Variants in ALG5 observed in about 807,000 individuals in gnomAD.
ALG5 encodes dolichyl-phosphate beta-glucosyltransferase.
A neutral mutation model predicts 51.8 loss-of-function variants in ALG5; 26 were observed. The observed-to-expected ratio is 0.50, with a 90% CI of 0.37 to 0.70. ALG5 has a LOEUF of 0.70. ALG5 is among the 30% of genes least tolerant of loss of function. The pLI is 0.00. For synonymous variants in ALG5, 141 were observed against 136.1 expected, an observed-to-expected ratio of 1.04 and a Z score of -0.25; for missense variants, 311 against 399.3, an observed-to-expected ratio of 0.78 and a Z score of 1.88.
chr13:36,952,648 C>A lies in ALG5; in HGVS notation c.774-49G>T, dbSNP rs747139476. On this transcript the variant is annotated intron_variant, in intron 8 of 9. Coordinates refer to ENST00000239891, the MANE Select transcript of ALG5 (RefSeq NM_013338.5). ...TTTATTTTTAAAGACAAATAGAACA[C>A]AACTACATCTCTACCTTGGCATGTT... 3.6e-6 allele frequency: 4 copies of A among 1,111,330 alleles called. No homozygotes were observed. In the Admixed American group the frequency reaches 1.2e-4, roughly 33 times the overall value. 68.8% of individuals were successfully genotyped at this position (1,111,330 alleles called of 1,614,324 possible).
chr13:36,952,030 A>AC (rs1409325118), intron 9 of ALG5, among the ~76,000 whole-genome samples: 1 of 151,658 alleles, frequency 6.6e-6, no homozygotes, highest in Non-Finnish European at 1.5e-5. Flanking sequence ...TAGGTGATCC[A>AC]CCCCCTCGGT....
intron 7 of ALG5, among the ~76,000 whole-genome samples, chr13:36,969,547 T>C (rs972592721): frequency 6.6e-6 from 1 of 152,114 alleles, no homozygotes; most frequent in Admixed American, 6.5e-5. Flanking sequence ...ATTTATTTTT[T>C]TGAGGAGGAG....
intron 7 of ALG5, among the ~76,000 whole-genome samples, chr13:36,971,431 G>A (rs2058922432): frequency 1.3e-5 from 2 of 152,046 alleles, no homozygotes; most frequent in Non-Finnish European, 2.9e-5. Flanking sequence ...CGGATTACCT[G>A]AGCTCAGGAG....
intron 5 of ALG5, among the ~76,000 whole-genome samples, chr13:36,989,173 A>T (rs1470084047): frequency 6.6e-6 from 1 of 152,192 alleles, no homozygotes; most frequent in African/African-American, 2.4e-5. Context: ...AACTTAATAC[A>T]AAAAACATTT....
chr13:36,985,034 G>A (rs909095877), intron 6 of ALG5, among the ~76,000 whole-genome samples: 2 of 151,710 alleles, frequency 1.3e-5, no homozygotes, highest in Non-Finnish European at 2.9e-5. Context: ...GTTGTCCAAG[G>A]GTGCTTTTTC....
intron 7 of ALG5, among the ~76,000 whole-genome samples, chr13:36,969,685 C>A (rs2058912368): frequency 1.3e-5 from 2 of 152,008 alleles, no homozygotes; most frequent in Non-Finnish European, 2.9e-5. Flanking sequence ...CAGGTGGGCG[C>A]CACCACACCC....
chr13:36,980,001 C>T (rs907150418), intron 6 of ALG5, among the ~76,000 whole-genome samples: 1 of 152,044 alleles, frequency 6.6e-6, no homozygotes, highest in Non-Finnish European at 1.5e-5. Flanking sequence ...GAGCCAAGAT[C>T]GCATCACTGC....
chr13:36,955,336 G>A (rs1359945767), intron 8 of ALG5, among the ~76,000 whole-genome samples: 1 of 152,132 alleles, frequency 6.6e-6, no homozygotes, highest in Non-Finnish European at 1.5e-5. Context: ...CTATAGACAT[G>A]TGAAGAATGA....
intron 8 of ALG5, among the ~76,000 whole-genome samples, chr13:36,955,686 GAAA>G (rs35130767): frequency 3.6e-3 from 130 of 36,476 alleles, no homozygotes; most frequent in African/African-American, 8.2e-3. Context: ...CAGAGATTGT[GAAA>G]AAAAAAAAAA....
intron 6 of ALG5, among the ~76,000 whole-genome samples, chr13:36,973,344 G>A (rs1011173259): frequency 6.6e-6 from 1 of 152,148 alleles, no homozygotes; most frequent in Non-Finnish European, 1.5e-5. Context: ...AAAGCCATAT[G>A]AGTACTTAGA....
At chr13:36,989,638 G>T in intron 4 of ALG5, 62 bp from the exon 5 acceptor site, 3 of 1,360,066 alleles carry the variant, frequency 2.2e-6, no homozygotes, top group Non-Finnish European at 3.1e-6. Context: ...TATATAAGCT[G>T]TGTTTCTTGC....
chr13:36,966,129 A>G (rs935388541), intron 7 of ALG5, among the ~76,000 whole-genome samples: 2 of 152,234 alleles, frequency 1.3e-5, no homozygotes, highest in African/African-American at 2.4e-5. Context: ...GACAAAACAA[A>G]GCACAGATAT....
At chr13:36,969,269 A>G (rs1159103265) in intron 7 of ALG5, among the ~76,000 whole-genome samples, 2 of 152,108 alleles carry the variant, frequency 1.3e-5, no homozygotes, top group African/African-American at 2.4e-5. Context: ...ACCAAAACAC[A>G]TGGCTCCTTT....
chr13:36,998,462 CACTT>C (rs2059062075), intron 1 of ALG5, among the ~76,000 whole-genome samples: 1 of 152,172 alleles, frequency 6.6e-6, no homozygotes, highest in African/African-American at 2.4e-5. Flanking sequence ...AAATCCTCTC[CACTT>C]ACTAACTAGA....
chr13:36,998,171 T>C (rs1266294423), intron 1 of ALG5, among the ~76,000 whole-genome samples: 1 of 152,056 alleles, frequency 6.6e-6, no homozygotes, highest in Non-Finnish European at 1.5e-5. Flanking sequence ...TCTAAGAATG[T>C]GTGAATCCAC....
chr13:36,963,705 A>C (rs1264971907), intron 8 of ALG5, among the ~76,000 whole-genome samples: 1 of 152,252 alleles, frequency 6.6e-6, no homozygotes, highest in Non-Finnish European at 1.5e-5. Flanking sequence ...AAAAGTCTGA[A>C]TGATAATTCT....
At chr13:36,954,796 G>T (rs1011383671) in intron 8 of ALG5, among the ~76,000 whole-genome samples, 1 of 152,054 alleles carries the variant, frequency 6.6e-6, no homozygotes, top group Non-Finnish European at 1.5e-5. Context: ...ATTCCTAAAG[G>T]ACAAAAAATA....
chr13:36,955,686 G>GAAAAAAAAAAAAAAAAAAAA (rs35130767), intron 8 of ALG5, among the ~76,000 whole-genome samples: 2 of 36,496 alleles, frequency 5.5e-5, no homozygotes, highest in Non-Finnish European at 6.9e-5. Context: ...CAGAGATTGT[G>GAAAAAAAAAAAAAAAAAAAA]AAAAAAAAAA....
chr13:36,974,664 C>T (rs1332764719), intron 6 of ALG5, among the ~76,000 whole-genome samples: 1 of 151,998 alleles, frequency 6.6e-6, no homozygotes, highest in Non-Finnish European at 1.5e-5. Context: ...ATACCTACTA[C>T]CTAGCTTCAA....
Sources: allele counts gnomAD v4.1 joint callset (sites outside exome capture counted in the v4.1 genomes callset), GRCh38; gene constraint gnomAD v4.1.1; transcripts MANE v1.5; gene names NCBI Gene and HGNC (gene_info 2026-07-23, HGNC 2026-07-21).